Variants in UNC13C observed in about 807,000 individuals in gnomAD.
UNC13C encodes protein unc-13 homolog C.
UNC13C carries 174 observed loss-of-function variants against 245.4 expected under a neutral mutation model. The ratio of observed to expected loss-of-function variants is 0.71; its 90% CI spans 0.63 to 0.80. UNC13C has a LOEUF of 0.80. Ranked by LOEUF, UNC13C falls within the 30% of genes least tolerant of loss-of-function variation. The probability of loss-of-function intolerance (pLI) is 0.00; values close to 1 mark genes in which losing one functional copy is unlikely to be tolerated. For missense variants in UNC13C, 2,829 were observed against 2,602.9 expected, an observed-to-expected ratio of 1.09 and a Z score of -1.89; for synonymous variants, 992 against 895.1, an observed-to-expected ratio of 1.11 and a Z score of -1.93.
the UNC13C span, among the ~76,000 whole-genome samples, chr15:53,846,698 G>A: frequency 6.6e-6 from 1 of 152,214 alleles, no homozygotes; most frequent in East Asian, 1.9e-4. Flanking sequence ...TAAAAAAATT[G>A]TCCAGATTGT....
At chr15:53,967,938 T>C in the UNC13C span, 2 of 152,158 alleles carry the variant, frequency 1.3e-5, no homozygotes, top group Non-Finnish European at 2.9e-5. Flanking sequence ...TTTTCAGTTA[T>C]CTGTAGATCT....
chr15:54,440,778 A>G (rs895059122), intron 19 of UNC13C, among the ~76,000 whole-genome samples: 1 of 152,014 alleles, frequency 6.6e-6, no homozygotes, highest in Admixed American at 6.6e-5. Flanking sequence ...TCCACCAACA[A>G]CGTATAAGTG....
At chr15:54,297,009 G>A (rs1368979891) in intron 11 of UNC13C, among the ~76,000 whole-genome samples, 1 of 152,120 alleles carries the variant, frequency 6.6e-6, no homozygotes, top group East Asian at 1.9e-4. Flanking sequence ...GTTAGCCTAG[G>A]GTATAGACTG....
At chr15:54,616,731 A>T (rs1900461427) in intron 30 of UNC13C, among the ~76,000 whole-genome samples, 3 of 152,084 alleles carry the variant, frequency 2.0e-5, no homozygotes, top group Admixed American at 2.0e-4. Flanking sequence ...AGTTTACTTT[A>T]TTATTGAAGA....
the UNC13C span, among the ~76,000 whole-genome samples, chr15:53,921,794 T>G: frequency 2.0e-5 from 3 of 152,244 alleles, no homozygotes; most frequent in Non-Finnish European, 4.4e-5. Flanking sequence ...TTAAATTTTC[T>G]AAAGCATCTT....
chr15:54,280,582 G>GTCTC (rs142372612), intron 10 of UNC13C, among the ~76,000 whole-genome samples: 1 of 147,050 alleles, frequency 6.8e-6, no homozygotes, highest in African/African-American at 2.5e-5. Context: ...AAAACCCATT[G>GTCTC]TCTCTCTCTC....
At chr15:54,170,583 T>C (rs2033360316) in intron 4 of UNC13C, among the ~76,000 whole-genome samples, 1 of 152,150 alleles carries the variant, frequency 6.6e-6, no homozygotes, top group Admixed American at 6.5e-5. Flanking sequence ...CCTTAAAATA[T>C]CTTATTTTTC....
chr15:54,586,918 A>C (rs1404415666), intron 30 of UNC13C, among the ~76,000 whole-genome samples: 2 of 152,228 alleles, frequency 1.3e-5, no homozygotes, highest in Non-Finnish European at 1.5e-5. Context: ...CCAGATAATC[A>C]ATGATATAAC....
At chr15:54,299,393 G>T (rs956808424) in intron 12 of UNC13C, among the ~76,000 whole-genome samples, 1 of 152,052 alleles carries the variant, frequency 6.6e-6, no homozygotes, top group Admixed American at 6.6e-5. Context: ...CCATTTTGCA[G>T]CCCAAATCCT....
At chr15:54,270,593 G>C (rs2036661267) in intron 10 of UNC13C, among the ~76,000 whole-genome samples, 1 of 151,996 alleles carries the variant, frequency 6.6e-6, no homozygotes, top group South Asian at 2.1e-4. Flanking sequence ...AAATATGACA[G>C]TAATAGTCCC....
chr15:54,055,385 T>C (rs951450554), intron 2 of UNC13C, among the ~76,000 whole-genome samples: 1 of 152,212 alleles, frequency 6.6e-6, no homozygotes, highest in African/African-American at 2.4e-5. Context: ...TCAAGTATAC[T>C]GTGGTGAGTG....
chr15:54,413,928 T>A (rs2040466295), intron 18 of UNC13C, among the ~76,000 whole-genome samples: 1 of 152,210 alleles, frequency 6.6e-6, no homozygotes, highest in African/African-American at 2.4e-5. Context: ...ATACTTCTAG[T>A]CTTACATTCT....
intron 2 of UNC13C, among the ~76,000 whole-genome samples, chr15:54,127,253 C>T (rs2141206447): frequency 6.6e-6 from 1 of 152,264 alleles, no homozygotes; most frequent in African/African-American, 2.4e-5. Flanking sequence ...GACACATGCA[C>T]ACATATGTTT....
At chr15:54,401,040 C>T (rs2140929364) in intron 18 of UNC13C, among the ~76,000 whole-genome samples, 1 of 152,172 alleles carries the variant, frequency 6.6e-6, no homozygotes, top group Admixed American at 6.5e-5. Flanking sequence ...AACATTTATT[C>T]ATTAGAATTT....
At chr15:54,453,652 T>A (rs1486136851) in intron 19 of UNC13C, among the ~76,000 whole-genome samples, 2 of 152,240 alleles carry the variant, frequency 1.3e-5, no homozygotes, top group Non-Finnish European at 2.9e-5. Flanking sequence ...GAGTCAAAGA[T>A]GATTAACATG....
At chr15:54,355,417 C>T (rs1019679136) in intron 17 of UNC13C, among the ~76,000 whole-genome samples, 19 of 152,050 alleles carry the variant, frequency 1.2e-4, no homozygotes, top group African/African-American at 4.1e-4. Context: ...AGTGCCATGG[C>T]GCGATCTCGG....
chr15:54,503,645 G>C (rs545696357), intron 22 of UNC13C, among the ~76,000 whole-genome samples: 5 of 151,902 alleles, frequency 3.3e-5, no homozygotes, highest in Admixed American at 2.0e-4. Context: ...TGTTGGCCAG[G>C]CTGGTCCCAA....
chr15:54,163,028 T>C (rs1348815419), intron 4 of UNC13C, among the ~76,000 whole-genome samples: 1 of 152,186 alleles, frequency 6.6e-6, no homozygotes, highest in African/African-American at 2.4e-5. Flanking sequence ...GTAGACAGCA[T>C]AATGGCCCTG....
chr15:53,926,438 A>G, the UNC13C span, among the ~76,000 whole-genome samples: 9 of 152,310 alleles, frequency 5.9e-5, no homozygotes, highest in East Asian at 7.7e-4. Flanking sequence ...AAAGTGTTCT[A>G]TGTATATTAA....
Sources: allele counts gnomAD v4.1 joint callset (sites outside exome capture counted in the v4.1 genomes callset), GRCh38; gene constraint gnomAD v4.1.1; transcripts MANE v1.5; gene names NCBI Gene and HGNC (gene_info 2026-07-23, HGNC 2026-07-21).